Variants in MRRF observed in about 807,000 individuals in gnomAD.
MRRF encodes the protein mitochondrial ribosome recycling factor.
MRRF carries 18 observed loss-of-function variants against 25.1 expected under a neutral mutation model. The observed-to-expected ratio is 0.72, with a 90% confidence interval of 0.50 to 1.06. The LOEUF is 1.06. Among genes scored for constraint, MRRF ranks in the 50% least tolerant of loss-of-function variants. The pLI is 0.00. For synonymous variants in MRRF, 113 were observed against 112.1 expected, an observed-to-expected ratio of 1.01 and a Z score of -0.05; for missense variants, 323 against 319.3, an observed-to-expected ratio of 1.01 and a Z score of -0.09.
intron 5 of MRRF, among the ~76,000 whole-genome samples, chr9:122,294,641 A>T (rs1431859827): frequency 1.3e-5 from 2 of 152,194 alleles, no homozygotes; most frequent in Admixed American, 6.5e-5. Context: ...GTGTTACGTG[A>T]GAGGATAAAG....
At chr9:122,296,448 A>T (rs1277184687) in intron 5 of MRRF, among the ~76,000 whole-genome samples, 1 of 152,200 alleles carries the variant, frequency 6.6e-6, no homozygotes, top group Non-Finnish European at 1.5e-5. Flanking sequence ...TTTCTCCCCA[A>T]ATTCTTACAA....
chr9:122,298,759 C>G (rs1834245955), intron 5 of MRRF, among the ~76,000 whole-genome samples: 1 of 152,122 alleles, frequency 6.6e-6, no homozygotes, highest in Admixed American at 6.5e-5. Flanking sequence ...GGAACATTTA[C>G]TGGGGAGATG....
At chr9:122,303,144 A>C (rs7019478) in intron 5 of MRRF, among the ~76,000 whole-genome samples, 23,699 of 152,052 alleles carry the variant, frequency 0.16, 2,047 homozygotes, top group East Asian at 0.24. Context: ...AAATAACATA[A>C]GTTTATCCCA....
At chr9:122,300,672 C>G (rs1236533834) in intron 5 of MRRF, among the ~76,000 whole-genome samples, 1 of 152,192 alleles carries the variant, frequency 6.6e-6, no homozygotes, top group Non-Finnish European at 1.5e-5. Flanking sequence ...CTCCTTCCTT[C>G]TCTTCCTCAC....
chr9:122,317,981 TA>T (rs1261722264), intron 6 of MRRF, among the ~76,000 whole-genome samples: 2 of 151,866 alleles, frequency 1.3e-5, no homozygotes, highest in African/African-American at 4.8e-5. Flanking sequence ...ACTAAAAACA[TA>T]AAAAATTAGC....
chr9:122,283,132 C>G (rs1208804535), intron 3 of MRRF, among the ~76,000 whole-genome samples: 1 of 147,636 alleles, frequency 6.8e-6, no homozygotes, highest in African/African-American at 2.5e-5. Flanking sequence ...CTTGCACTGT[C>G]GCCAGGAGTG....
rs752910771 is a variant in MRRF at position 122,270,916 on chromosome 9, C to T, written c.25C>T (p.Arg9Cys). The T allele has an allele frequency of 7.4e-6, 12 of 1,613,994 alleles. No individual in the cohort carries two copies. The highest frequency in any genetic ancestry group is 2.2e-5 in the East Asian group (1 of 44,896). MALGLKCF[R>C]MVHPTFRNYL... ...CATGGCCTTGGGATTAAAGTGCTTC[C>T]GCATGGTCCACCCTACCTTTCGCAA... Residue 9 changes from arginine (R) to cysteine (C), a missense_variant, in exon 2 of 7, where the codon CGC becomes TGC. Coordinates refer to ENST00000344641, the MANE Select transcript of MRRF (RefSeq NM_138777.5).
chr9:122,291,683 G>T, intron 4 of MRRF, 66 bp from the exon 5 acceptor site: 1 of 1,156,872 alleles, frequency 8.6e-7, no homozygotes, highest in East Asian at 2.3e-5. Flanking sequence ...GCCAGTTATC[G>T]ACAGAGGGCT....
intron 2 of MRRF, among the ~76,000 whole-genome samples, chr9:122,276,356 T>C (rs1022619410): frequency 2.0e-5 from 3 of 152,336 alleles, no homozygotes; most frequent in African/African-American, 7.2e-5. Flanking sequence ...AGTGGCACAA[T>C]CATACCTCAC....
rs529433297 is a variant in MRRF, at chr9:122,323,642, C to T, written c.*1025C>T. On this transcript the variant is annotated 3_prime_UTR_variant, in exon 7 of 7. Transcript: ENST00000344641. Reference sequence around the variant, plus strand: ...ATACTGGGTTATTAGGTTTTTTTCCCTCCAATTATTTTTTATTCATTCATT... The same window carrying T: ...ATACTGGGTTATTAGGTTTTTTTCCTTCCAATTATTTTTTATTCATTCATT... 1.3e-5 allele frequency: 2 copies of T among 152,164 alleles called. No individual in the cohort carries two copies. Among genetic ancestry groups the T allele is most frequent in the South Asian group, 4.1e-4 (2 of 4,820 alleles). 9.4% of individuals were successfully genotyped at this position (152,164 alleles called of 1,614,324 possible).
rs541183596 is a variant in MRRF at position 122,266,706 on chromosome 9, C to T, written c.-29+1768C>T. Among the ~76,000 whole-genome samples, 52 of 152,306 alleles carry T rather than the reference C, an allele frequency of 3.4e-4. 1 individual carries two copies. Among genetic ancestry groups the T allele is most frequent in the African/African-American group, 1.1e-3 (46 of 41,572 alleles). On this transcript the variant is annotated intron_variant, in intron 1 of 6. Transcript: ENST00000344641. The stretch of plus-strand genomic sequence containing the variant: ...TAAGCCAGGATTTTGGGTTGGTCAT[C>T]TAGCCAAAATTAAAATGAACCTTCT...
At chr9:122,297,378 A>AT (rs1427053880) in intron 5 of MRRF, among the ~76,000 whole-genome samples, 2 of 151,808 alleles carry the variant, frequency 1.3e-5, no homozygotes, top group Non-Finnish European at 2.9e-5. Flanking sequence ...GATTTTCTAG[A>AT]TTTTTTCCAA....
intron 5 of MRRF, 134 bp from the exon 6 acceptor site, chr9:122,313,093 T>A: frequency 2.1e-6 from 2 of 951,282 alleles, no homozygotes; most frequent in South Asian, 2.9e-5. Flanking sequence ...TTCCTCCTCC[T>A]GGAAATTCCA....
rs530027745 is a variant in MRRF at position 122,266,106 on chromosome 9, A to G, written c.-29+1168A>G. ...TTTCTGGACTTTCACTGATGTATTC[A>G]TCACATTCACAGTGTCTTCTGTGTT... On this transcript the variant is annotated intron_variant, in intron 1 of 6. Transcript: ENST00000344641. Among the ~76,000 whole-genome samples the G allele has an allele frequency of 2.0e-4, 31 of 152,382 alleles. No homozygotes were observed. The South Asian group carries it at 3.5e-3, about 17-fold the overall frequency.
chr9:122,290,645 T>C (rs1313606001), intron 4 of MRRF, among the ~76,000 whole-genome samples: 2 of 152,234 alleles, frequency 1.3e-5, no homozygotes, highest in Non-Finnish European at 2.9e-5. Context: ...AGTGCAGGAA[T>C]TGGCCTTTGA....
At position 122,313,210 on chromosome 9, in the gene MRRF, C is replaced by CT. The variant is rs1835306918; in HGVS notation, c.552-13dup. The CT allele has an allele frequency of 6.2e-7, 1 of 1,612,910 alleles. No homozygotes were observed. The highest frequency in any genetic ancestry group is 8.5e-7 in the Non-Finnish European group (1 of 1,179,254). ...TGTATAGAATGATTTTGTTGAATGT[C>CT]TTTTGTCTTTTATCAGAGTAACCAG... On this transcript the variant is annotated splice_polypyrimidine_tract_variant and intron_variant, in intron 5 of 6. Transcript: ENST00000344641.
intron 5 of MRRF, among the ~76,000 whole-genome samples, chr9:122,294,138 C>T (rs931158809): frequency 6.6e-6 from 1 of 152,194 alleles, no homozygotes; most frequent in African/African-American, 2.4e-5. Flanking sequence ...TTGGCTTCCT[C>T]ACATGTCAGA....
intron 3 of MRRF, among the ~76,000 whole-genome samples, chr9:122,281,418 C>A (rs531747947): frequency 6.6e-6 from 1 of 152,184 alleles, no homozygotes; most frequent in Non-Finnish European, 1.5e-5. Context: ...AGAAATATTT[C>A]GCTCTTAAGA....
chr9:122,318,896 AAGTGGCT>A (rs1305696944), intron 6 of MRRF, among the ~76,000 whole-genome samples: 1 of 152,282 alleles, frequency 6.6e-6, no homozygotes, highest in East Asian at 1.9e-4. Flanking sequence ...ACATACTTAA[AAGTGGCT>A]AGTATGGTTG....
Sources: allele counts gnomAD v4.1 joint callset (sites outside exome capture counted in the v4.1 genomes callset), GRCh38; gene constraint gnomAD v4.1.1; transcripts MANE v1.5; gene names NCBI Gene and HGNC (gene_info 2026-07-23, HGNC 2026-07-21).